Variants in OTUD7A observed in about 807,000 individuals in gnomAD.
OTUD7A encodes OTU domain-containing protein 7A.
Under a neutral mutation model 65.7 loss-of-function variants are expected in OTUD7A, and 12 were observed. The observed-to-expected ratio is 0.18, with a 90% CI of 0.12 to 0.30. The LOEUF is 0.30. OTUD7A is among the 10% of genes least tolerant of loss of function. The probability of loss-of-function intolerance (pLI) is 1.00; values close to 1 mark genes in which losing one functional copy is unlikely to be tolerated. For synonymous variants in OTUD7A, 641 were observed against 586.3 expected (o/e 1.09, Z -1.35); for missense variants, 1,148 against 1,304.8 (o/e 0.88, Z 1.85).
intron 3 of OTUD7A, among the ~76,000 whole-genome samples, chr15:31,605,866 G>A (rs1213187595): frequency 2.0e-5 from 3 of 152,180 alleles, no homozygotes; most frequent in Non-Finnish European, 4.4e-5. Flanking sequence ...CTGTGCCACT[G>A]TGCCCGTGGA....
intron 1 of OTUD7A, among the ~76,000 whole-genome samples, chr15:31,838,194 T>C (rs1421372782): frequency 6.6e-6 from 1 of 152,254 alleles, no homozygotes; most frequent in South Asian, 2.1e-4. Flanking sequence ...GAATATGTTT[T>C]GTACCTAGCA....
chr15:31,581,672 C>T (rs937605955), intron 3 of OTUD7A, among the ~76,000 whole-genome samples: 1 of 152,206 alleles, frequency 6.6e-6, no homozygotes, highest in Non-Finnish European at 1.5e-5. Flanking sequence ...CCCTTTTTAG[C>T]CATGGCTGGG....
intron 3 of OTUD7A, among the ~76,000 whole-genome samples, chr15:31,638,567 T>TG (rs1891413037): frequency 6.6e-6 from 1 of 151,280 alleles, no homozygotes; most frequent in African/African-American, 2.4e-5. Context: ...TTTTTGTTTT[T>TG]TTTTTTTTCA....
chr15:31,802,743 T>C (rs762833359), intron 1 of OTUD7A, among the ~76,000 whole-genome samples: 5 of 152,222 alleles, frequency 3.3e-5, no homozygotes, highest in Admixed American at 6.5e-5. Context: ...GCTTATTTTA[T>C]AGAAAATAAT....
chr15:31,608,252 A>T (rs1890293987), intron 3 of OTUD7A, among the ~76,000 whole-genome samples: 1 of 152,222 alleles, frequency 6.6e-6, no homozygotes, highest in Non-Finnish European at 1.5e-5. Flanking sequence ...AAAGAAGAAA[A>T]AAAAAGAATT....
At chr15:31,656,606 G>T (rs1218786079) in intron 2 of OTUD7A, among the ~76,000 whole-genome samples, 2 of 152,014 alleles carry the variant, frequency 1.3e-5, no homozygotes, top group African/African-American at 4.8e-5. Context: ...ATATTGTGGG[G>T]TGAGTTTGAA....
rs955536526 is a variant in OTUD7A at position 31,517,783 on chromosome 15, G to A, written c.893+8566C>T. Among the ~76,000 whole-genome samples the A allele has an allele frequency of 2.6e-5, 4 of 152,190 alleles. No homozygotes were observed. In the South Asian group the frequency reaches 8.3e-4, roughly 32 times the overall value. On this transcript the variant is annotated intron_variant, in intron 8 of 12. Transcript: ENST00000307050. ...CTCCTGGCAGGACCAAGAAGCAAAGGTCATGGAGCAAGGTCCAGATGGTAT... is the reference window on the plus strand; with the variant it reads ...CTCCTGGCAGGACCAAGAAGCAAAGATCATGGAGCAAGGTCCAGATGGTAT...
rs1029161173 is a variant in OTUD7A, at chr15:31,478,077, G to C, written c.*5217C>G. 6 of 152,256 alleles carry C rather than the reference G, an allele frequency of 3.9e-5. No individual in the cohort carries two copies. Among genetic ancestry groups the C allele is most frequent in the African/African-American group, 1.2e-4 (5 of 41,444 alleles). 9.4% of individuals were successfully genotyped at this position (152,256 alleles called of 1,614,324 possible). A position where few individuals can be genotyped will look rare whatever the true frequency, so the allele number is the denominator to read the frequency against. On this transcript the variant is annotated 3_prime_UTR_variant, in exon 13 of 13. Transcript: ENST00000307050. ...CAGGAGGGTGCCTGTGACTAGAAAC[G>C]GCAGGAAGGCCTACGTCCCAGGGCA...
At chr15:31,561,393 G>A (rs1023502886) in intron 4 of OTUD7A, among the ~76,000 whole-genome samples, 2 of 152,096 alleles carry the variant, frequency 1.3e-5, no homozygotes, top group African/African-American at 2.4e-5. Flanking sequence ...CCCATTTTTC[G>A]GAATCTGATG....
intron 1 of OTUD7A, among the ~76,000 whole-genome samples, chr15:31,697,255 T>A (rs1207251794): frequency 9.2e-6 from 1 of 108,188 alleles, no homozygotes; most frequent in African/African-American, 2.9e-5. Flanking sequence ...CGGCCCCTCC[T>A]CACCCTCAGG....
chr15:31,663,282 C>CACACACACACA, intron 1 of OTUD7A, among the ~76,000 whole-genome samples: 1 of 150,476 alleles, frequency 6.6e-6, no homozygotes, highest in South Asian at 2.1e-4. Context: ...CACACACACA[C>CACACACACACA]AAGTTTTTAA....
rs77254199 is a variant in OTUD7A, at chr15:31,682,244, T to C, written c.-99-25167A>G. Among the ~76,000 whole-genome samples the C allele has an allele frequency of 5.9e-5, 9 of 152,292 alleles. No homozygotes were observed. The South Asian group carries it at 1.5e-3, about 25-fold the overall frequency. On this transcript the variant is annotated intron_variant, in intron 1 of 12. Transcript: ENST00000307050. ...AAAATTCAGACAAAAGAGACCAAAA[T>C]TGACCTAAATAGAGAGATGTATTGT...
chr15:31,591,546 C>T (rs1302396322), intron 3 of OTUD7A, among the ~76,000 whole-genome samples: 3 of 152,306 alleles, frequency 2.0e-5, no homozygotes, highest in East Asian at 3.9e-4. Flanking sequence ...TGACTGTCAT[C>T]GAGCTGGCCT....
At chr15:31,633,822 T>C (rs775977841) in intron 3 of OTUD7A, among the ~76,000 whole-genome samples, 37 of 152,104 alleles carry the variant, frequency 2.4e-4, no homozygotes, top group Non-Finnish European at 3.7e-4. Context: ...TCCATCTATC[T>C]TGCTCCCCAC....
intron 3 of OTUD7A, among the ~76,000 whole-genome samples, chr15:31,646,897 C>G (rs924325866): frequency 6.6e-6 from 1 of 152,148 alleles, no homozygotes; most frequent in African/African-American, 2.4e-5. Context: ...CAGCGTGACA[C>G]AAGGAAACTC....
In OTUD7A at chr15:31,491,574, T is replaced by C. The variant is rs781589018; in HGVS notation, c.1172-4008A>G. ...AAATCCCAGAAGAGGGAAAGAACAATGCAAAATAAAATTTTAAAGAAATAA... is the reference window on the plus strand; with the variant it reads ...AAATCCCAGAAGAGGGAAAGAACAACGCAAAATAAAATTTTAAAGAAATAA... On this transcript the variant is annotated intron_variant, in intron 10 of 12. Transcript: ENST00000307050. 5.3e-5 allele frequency among the ~76,000 whole-genome samples: 8 copies of C among 152,214 alleles called. No individual in the cohort carries two copies. The South Asian group carries it at 8.3e-4, about 16-fold the overall frequency.
intron 3 of OTUD7A, among the ~76,000 whole-genome samples, chr15:31,602,252 C>T (rs1355495305): frequency 6.6e-6 from 1 of 152,170 alleles, no homozygotes; most frequent in Non-Finnish European, 1.5e-5. Flanking sequence ...AAAGCTTATC[C>T]ACCATGATCA....
intron 1 of OTUD7A, among the ~76,000 whole-genome samples, chr15:31,678,418 G>C (rs546589198): frequency 1.3e-4 from 20 of 152,316 alleles, no homozygotes; most frequent in Admixed American, 3.9e-4. Flanking sequence ...TGTCTCCAGG[G>C]CATGTCAGAG....
chr15:31,754,143 T>C (rs1271020380), intron 1 of OTUD7A, among the ~76,000 whole-genome samples: 2 of 152,184 alleles, frequency 1.3e-5, no homozygotes, highest in Non-Finnish European at 2.9e-5. Flanking sequence ...TTTCATATGA[T>C]TGTTGGCCAT....
Sources: gnomAD v4.1 joint callset for allele counts (sites outside exome capture counted in the v4.1 genomes callset) on GRCh38, gnomAD v4.1.1 for gene constraint, MANE v1.5 for transcripts, NCBI Gene and HGNC (gene_info 2026-07-23, HGNC 2026-07-21) for gene names.